FAM118B: variants seen among roughly 807,000 people sequenced by gnomAD.
FAM118B encodes SIR2 antiphage like 1.
Under a neutral mutation model 38.5 loss-of-function variants are expected in FAM118B, and 24 were observed. The observed-to-expected ratio is 0.62, with a 90% CI of 0.45 to 0.88. FAM118B has a LOEUF of 0.88. Ranked by LOEUF, FAM118B falls within the 40% of genes least tolerant of loss-of-function variation. The pLI, the probability that FAM118B is intolerant of heterozygous loss-of-function variation, is 0.00. For synonymous variants in FAM118B, 138 were observed against 156.3 expected (o/e 0.88, Z 0.87); for missense variants, 334 against 420.0 (o/e 0.80, Z 1.79).
Position 126,261,445 on chromosome 11 carries a change from C to G in FAM118B, c.1003C>G (p.Gln335Glu). The change falls in exon 8 of 9, where the codon CAG (glutamine) becomes GAG (glutamate). Residue 335 changes from glutamine to glutamate, a missense_variant. Physicochemically the swap from Gln to Glu is conservative, Grantham distance 29 (BLOSUM62 2). Around this residue, in one of 3 missense-constraint regions of FAM118B, gnomAD observed 88 missense variants for 98.1 expected, o/e 0.90. Transcript: ENST00000533050. ...TTTAGCAGGGATGGTGAGAGAAGGT[C>G]AGCTAAATGGCTCATCTGCAGCACA... ...GTSAGMVREGQLNGSSAAHSE... is the reference protein window; with the variant it reads ...GTSAGMVREGELNGSSAAHSE... 6.2e-7 allele frequency: 1 copy of G among 1,613,988 alleles called. No individual in the cohort carries two copies. Among genetic ancestry groups the G allele is most frequent in the South Asian group, 1.1e-5 (1 of 91,076 alleles).
At position 126,255,371 on chromosome 11, in the gene FAM118B, CA is replaced by C. The variant is rs972729955; in HGVS notation, c.696+940del. Among the ~76,000 whole-genome samples the C allele has an allele frequency of 2.0e-5, 3 of 152,248 alleles. No homozygotes were observed. The highest frequency in any genetic ancestry group is 7.2e-5 in the African/African-American group (3 of 41,542). ...CCGAGAAAATGTATTGTCTAAAGCA[CA>C]AGGGACTTTTTTTTCTTTTTACCCA... On this transcript the variant is annotated intron_variant, in intron 6 of 8. Transcript: ENST00000533050. The surrounding 1 kb of genome is among the most constrained non-coding windows in gnomAD (Gnocchi z 4.6).
rs1480137558 is a variant in FAM118B, at chr11:126,255,026, A to G, written c.696+593A>G. Among the ~76,000 whole-genome samples the G allele has an allele frequency of 6.6e-6, 1 of 152,264 alleles. No individual in the cohort carries two copies. Among genetic ancestry groups the G allele is most frequent in the African/African-American group, 2.4e-5 (1 of 41,476 alleles). ...TACAAAGGATACATTAGTACCCTTT[A>G]TCATCATTTGGTTTATTAATAGCCC... On this transcript the variant is annotated intron_variant, in intron 6 of 8. Coordinates refer to ENST00000533050, the MANE Select transcript of FAM118B (RefSeq NM_024556.4). The surrounding 1 kb of genome is among the most constrained non-coding windows in gnomAD (Gnocchi z 4.6).
At chr11:126,241,171 T>C in intron 4 of FAM118B, 127 bp downstream of exon 4, 1 of 1,052,554 alleles carries the variant, frequency 9.5e-7, no homozygotes, top group Non-Finnish European at 1.4e-6. Context: ...AGCTTGTAGG[T>C]TTCCATAACA....
At chr11:126,251,955 T>C (rs1051523863) in intron 5 of FAM118B, among the ~76,000 whole-genome samples, 1 of 151,938 alleles carries the variant, frequency 6.6e-6, no homozygotes, top group African/African-American at 2.4e-5. Context: ...GTACTGGGAT[T>C]ACAGGCATGT....
chr11:126,230,914 C>T (rs974110157), intron 2 of FAM118B, among the ~76,000 whole-genome samples: 2 of 152,234 alleles, frequency 1.3e-5, no homozygotes, highest in African/African-American at 4.8e-5. Context: ...TGTGTGCAAA[C>T]TTAATTTCAT....
intron 2 of FAM118B, among the ~76,000 whole-genome samples, chr11:126,231,329 C>T (rs574019198): frequency 3.9e-5 from 6 of 152,226 alleles, no homozygotes; most frequent in Admixed American, 6.5e-5. Flanking sequence ...AACGTGATCA[C>T]ATAAAAAAAA....
intron 4 of FAM118B, among the ~76,000 whole-genome samples, chr11:126,247,288 C>T (rs1264808364): frequency 6.6e-6 from 1 of 151,988 alleles, no homozygotes; most frequent in Non-Finnish European, 1.5e-5. Flanking sequence ...CAGACTTTCT[C>T]TCAAAAAAAG....
At chr11:126,241,182 T>A in intron 4 of FAM118B, 138 bp downstream of exon 4, 2 of 945,876 alleles carry the variant, frequency 2.1e-6, no homozygotes, top group Non-Finnish European at 3.1e-6. Flanking sequence ...TTCCATAACA[T>A]TTGACTCTTC....
At chr11:126,215,224 G>A (rs1342012749) in intron 1 of FAM118B, among the ~76,000 whole-genome samples, 1 of 152,202 alleles carries the variant, frequency 6.6e-6, no homozygotes, top group African/African-American at 2.4e-5. Context: ...ATTTTCCACT[G>A]ATACTGAAAT....
At position 126,244,014 on chromosome 11, in the gene FAM118B, G is replaced by A. The variant is rs879838282; in HGVS notation, c.339+2970G>A. Among the ~76,000 whole-genome samples, 4 of 151,134 alleles carry A rather than the reference G, an allele frequency of 2.6e-5. No individual in the cohort carries two copies. The highest frequency in any genetic ancestry group is 5.9e-5 in the Non-Finnish European group (4 of 67,864). ...TGCAGAAAAAACATGTTAGCAAAAT[G>A]CAACACTCTTTCATGATTTTTTTTA... On this transcript the variant is annotated intron_variant, in intron 4 of 8. Coordinates refer to ENST00000533050, the MANE Select transcript of FAM118B (RefSeq NM_024556.4). The surrounding 1 kb of genome is among the most constrained non-coding windows in gnomAD (Gnocchi z 4.5).
intron 1 of FAM118B, among the ~76,000 whole-genome samples, chr11:126,213,042 C>G (rs1314459491): frequency 6.6e-6 from 1 of 152,156 alleles, no homozygotes; most frequent in African/African-American, 2.4e-5. Context: ...TCCCCCTACA[C>G]TGTAACTCCT....
In FAM118B at chr11:126,253,637, C is replaced by G. The variant is rs1407661696; in HGVS notation, c.568-668C>G. On this transcript the variant is annotated intron_variant, in intron 5 of 8. Transcript: ENST00000533050. The surrounding 1 kb of genome is among the most constrained non-coding windows in gnomAD (Gnocchi z 5.1). Reference sequence around the variant, plus strand: ...TTTGAACTGGGCTCAGTGACTCAGCCAGGCATTTTTTCTGCTGATTTTTGC... The same window carrying G: ...TTTGAACTGGGCTCAGTGACTCAGCGAGGCATTTTTTCTGCTGATTTTTGC... Among the ~76,000 whole-genome samples the G allele has an allele frequency of 3.3e-5, 5 of 152,150 alleles. No homozygotes were observed. Among genetic ancestry groups the G allele is most frequent in the Admixed American group, 1.3e-4 (2 of 15,256 alleles).
chr11:126,245,782 AGGTC>A (rs934931044), intron 4 of FAM118B, among the ~76,000 whole-genome samples: 5 of 152,142 alleles, frequency 3.3e-5, no homozygotes, highest in African/African-American at 1.2e-4. Context: ...GGATCACCTG[AGGTC>A]GGAAGTTCGA....
At chr11:126,260,260 T>TA (rs1565342498) in intron 7 of FAM118B, 1 of 152,154 alleles carries the variant, frequency 6.6e-6, no homozygotes, top group South Asian at 2.1e-4. Flanking sequence ...CTCAGTCTCC[T>TA]AAGTGCAAGC....
At position 126,261,447 on chromosome 11, in the gene FAM118B, G is replaced by A. The variant is rs1950696361; in HGVS notation, c.1005G>A (p.Gln335=). 2 of 1,613,902 alleles carry A rather than the reference G, an allele frequency of 1.2e-6. No individual in the cohort carries two copies. Among genetic ancestry groups the A allele is most frequent in the Admixed American group, 3.3e-5 (2 of 60,002 alleles). Residue 335 remains glutamine, a synonymous_variant, in exon 8 of 9, where the codon CAG becomes CAA. Transcript: ENST00000533050. The part of the protein sequence containing the change: ...GTSAGMVREG[Q]LNGSSAAHSE... The stretch of plus-strand genomic sequence containing the variant: ...TAGCAGGGATGGTGAGAGAAGGTCA[G>A]CTAAATGGCTCATCTGCAGCACACA...
intron 4 of FAM118B, among the ~76,000 whole-genome samples, chr11:126,243,111 A>G (rs1950379235): frequency 6.6e-6 from 1 of 152,242 alleles, no homozygotes; most frequent in African/African-American, 2.4e-5. Flanking sequence ...AAAAGGACAT[A>G]TATTGTATGA....
chr11:126,217,587 G>T (rs1048379305), intron 1 of FAM118B, among the ~76,000 whole-genome samples: 1 of 151,968 alleles, frequency 6.6e-6, no homozygotes, highest in Non-Finnish European at 1.5e-5. Flanking sequence ...AACATTTTCT[G>T]TGAGCTCAAA....
chr11:126,226,602 A>G (rs1312792968), intron 1 of FAM118B, among the ~76,000 whole-genome samples: 2 of 152,228 alleles, frequency 1.3e-5, no homozygotes, highest in Non-Finnish European at 2.9e-5. Flanking sequence ...CAAATCTACT[A>G]GTCTACTCTC....
In FAM118B at chr11:126,253,909, G is replaced by A. The variant is rs1475353540; in HGVS notation, c.568-396G>A. Reference sequence around the variant, plus strand: ...CTAGTATCCCATTGGCTAAAAGCAAGCCATGTGGTTAGCCTGGAGTCACTC... The same window carrying A: ...CTAGTATCCCATTGGCTAAAAGCAAACCATGTGGTTAGCCTGGAGTCACTC... On this transcript the variant is annotated intron_variant, in intron 5 of 8. Transcript: ENST00000533050. This position sits in a 1 kb window ranked among gnomAD's most constrained non-coding sequence, Gnocchi z 5.1. Among the ~76,000 whole-genome samples, 1 of 152,170 alleles carries A rather than the reference G, an allele frequency of 6.6e-6. No individual in the cohort carries two copies. The highest frequency in any genetic ancestry group is 1.5e-5 in the Non-Finnish European group (1 of 68,030).
Sources: allele counts gnomAD v4.1 joint callset (sites outside exome capture counted in the v4.1 genomes callset), GRCh38; gene constraint gnomAD v4.1.1; regional missense constraint gnomAD v4.1.1; non-coding constraint Gnocchi (gnomAD v3.1); transcripts MANE v1.5; gene names NCBI Gene and HGNC (gene_info 2026-07-23, HGNC 2026-07-21).